Variants in TRAK1 observed in about 807,000 individuals in gnomAD.
TRAK1 encodes trafficking kinesin-binding protein 1.
In TRAK1, 33 loss-of-function variants were observed where a neutral mutation model predicts 92.1. That is an observed-to-expected ratio of 0.36 (90% CI 0.27 to 0.48). TRAK1 has a LOEUF of 0.48. TRAK1 is among the 20% of genes least tolerant of loss of function. The pLI is 0.99. For synonymous variants in TRAK1, 521 were observed against 517.3 expected (o/e 1.01, Z -0.10); for missense variants, 1,123 against 1,257.9 (o/e 0.89, Z 1.62).
chr3:42,148,097 C>T (rs886145217), intron 2 of TRAK1, among the ~76,000 whole-genome samples: 1 of 152,114 alleles, frequency 6.6e-6, no homozygotes, highest in African/African-American at 2.4e-5. Context: ...CTTACAGTAC[C>T]TGGCCAAGAG....
At chr3:42,210,085 C>CGGAGGAGGAGGAGGAGGAGGAGGA in intron 14 of TRAK1, 100 bp downstream of exon 14, 2 of 1,576,602 alleles carry the variant, frequency 1.3e-6, no homozygotes, top group Non-Finnish European at 1.7e-6. Context: ...CCAGCGGCCA[C>CGGAGGAGGAGGAGGAGGAGGAGGA]GGAGGAGGAG....
chr3:42,218,060 GAC>G (rs1484918514), intron 14 of TRAK1: 47 of 985,110 alleles, frequency 4.8e-5, no homozygotes, highest in Non-Finnish European at 5.5e-5. Context: ...AGCCTGCTTT[GAC>G]ACACAGACCC....
intron 2 of TRAK1, among the ~76,000 whole-genome samples, chr3:42,140,831 G>A (rs954946075): frequency 6.6e-6 from 1 of 152,192 alleles, no homozygotes; most frequent in Non-Finnish European, 1.5e-5. Flanking sequence ...GGCTGGCCCG[G>A]CATACAGGTG....
chr3:42,139,682 AT>A (rs1223006352), intron 2 of TRAK1, among the ~76,000 whole-genome samples: 2 of 151,940 alleles, frequency 1.3e-5, no homozygotes, highest in Non-Finnish European at 2.9e-5. Flanking sequence ...TTGAGTATTT[AT>A]TTTTTTCTTT....
At chr3:42,048,509 C>G (rs1266683098) in intron 1 of TRAK1, among the ~76,000 whole-genome samples, 1 of 151,892 alleles carries the variant, frequency 6.6e-6, no homozygotes, top group African/African-American at 2.4e-5. Flanking sequence ...CTGTTTCTAA[C>G]TTGTAACTTT....
At chr3:42,209,745 T>G in intron 13 of TRAK1, 22 bp from the exon 14 acceptor site, 1 of 1,608,244 alleles carries the variant, frequency 6.2e-7, no homozygotes, top group Non-Finnish European at 8.5e-7. Context: ...TCCCCCTTCT[T>G]CCCTTCCCTT....
At chr3:42,056,978 A>G (rs968724190) in intron 1 of TRAK1, among the ~76,000 whole-genome samples, 1 of 152,180 alleles carries the variant, frequency 6.6e-6, no homozygotes, top group Non-Finnish European at 1.5e-5. Flanking sequence ...GTGGATTTGA[A>G]CCAACCTGTA....
chr3:42,117,397 C>T (rs1250791421), intron 1 of TRAK1, among the ~76,000 whole-genome samples: 1 of 152,268 alleles, frequency 6.6e-6, no homozygotes, highest in East Asian at 1.9e-4. Flanking sequence ...GGTTTCCTGC[C>T]ATTGCCTCTT....
chr3:42,014,261 A>G (rs942050197), intron 1 of TRAK1: 1 of 152,184 alleles, frequency 6.6e-6, no homozygotes, highest in African/African-American at 2.4e-5. Flanking sequence ...CAGCCCTCCT[A>G]ATGCACCGGC....
At chr3:42,097,203 G>A (rs1269211807) in intron 1 of TRAK1, among the ~76,000 whole-genome samples, 1 of 152,074 alleles carries the variant, frequency 6.6e-6, no homozygotes, top group South Asian at 2.1e-4. Context: ...TAAATCCCAC[G>A]ATTGATTTAA....
intron 2 of TRAK1, among the ~76,000 whole-genome samples, 177 bp from the exon 3 acceptor site, chr3:42,176,637 T>C (rs1703254502): frequency 6.6e-6 from 1 of 152,156 alleles, no homozygotes. Flanking sequence ...CCTCCAGTCG[T>C]TGGAACTGGG....
intron 1 of TRAK1, among the ~76,000 whole-genome samples, chr3:42,123,965 A>G (rs1710243357): frequency 6.6e-6 from 1 of 151,996 alleles, no homozygotes; most frequent in Non-Finnish European, 1.5e-5. Context: ...CAACATAGGG[A>G]CCTTGTCTCT....
intron 1 of TRAK1, among the ~76,000 whole-genome samples, chr3:42,077,892 G>A (rs2148946488): frequency 6.6e-6 from 1 of 152,324 alleles, no homozygotes; most frequent in Admixed American, 6.5e-5. Flanking sequence ...TATTGTCTGT[G>A]AAGAGAGAGA....
At chr3:42,154,772 C>T (rs902110421) in intron 2 of TRAK1, among the ~76,000 whole-genome samples, 1 of 152,148 alleles carries the variant, frequency 6.6e-6, no homozygotes, top group Non-Finnish European at 1.5e-5. Context: ...TCTTTGGGGA[C>T]ATGACCCTCA....
In TRAK1 at chr3:42,194,884, C is replaced by T; in HGVS notation, c.1056C>T (p.Asn352=). Residue 352 remains asparagine, a synonymous_variant, in exon 10 of 16, where the codon AAC becomes AAT. Coordinates refer to ENST00000327628, the MANE Select transcript of TRAK1 (RefSeq NM_001042646.3). ...EAQEELKNLR[N]KTMPNTTSRR... is the part of the protein sequence containing the mutation. ...AGGAGGAGCTGAAGAACCTCCGGAA[C>T]AAAACCATGCCCAATACCACGTCTC... 1 of 1,613,994 alleles carries T rather than the reference C, an allele frequency of 6.2e-7. No homozygotes were observed. The highest frequency in any genetic ancestry group is 8.5e-7 in the Non-Finnish European group (1 of 1,179,964).
At chr3:42,114,772 G>T (rs745774425) in intron 1 of TRAK1, among the ~76,000 whole-genome samples, 5 of 151,514 alleles carry the variant, frequency 3.3e-5, no homozygotes, top group African/African-American at 7.3e-5. Context: ...GAGTGCAATC[G>T]TGCGATCTCA....
chr3:42,194,478 T>C (rs77871913), intron 9 of TRAK1, among the ~76,000 whole-genome samples: 8,382 of 152,052 alleles, frequency 0.055, 229 homozygotes, highest in Middle Eastern at 0.075. Context: ...CCAAGCAAAC[T>C]GCCTGCCTTG....
chr3:42,092,110 T>C (rs1248212751), intron 1 of TRAK1, among the ~76,000 whole-genome samples: 3 of 152,150 alleles, frequency 2.0e-5, no homozygotes, highest in Non-Finnish European at 4.4e-5. Flanking sequence ...TTCTTTTTTG[T>C]CCTTTACTAA....
intron 1 of TRAK1, among the ~76,000 whole-genome samples, chr3:42,059,186 C>T (rs1703326366): frequency 6.6e-6 from 1 of 151,952 alleles, no homozygotes; most frequent in African/African-American, 2.4e-5. Flanking sequence ...CCTCAACCTC[C>T]CAGGCTCAAG....
Sources: gnomAD v4.1 joint callset for allele counts (sites outside exome capture counted in the v4.1 genomes callset) on GRCh38, gnomAD v4.1.1 for gene constraint, MANE v1.5 for transcripts, NCBI Gene and HGNC (gene_info 2026-07-23, HGNC 2026-07-21) for gene names.